The following DYSF variants were observed in gnomAD, a reference collection of about 807,000 sequenced individuals.
The protein encoded by DYSF is dystrophy-associated fer-1-like 1.
In DYSF, 212 loss-of-function variants were observed where a neutral mutation model predicts 274.9. That is an observed-to-expected ratio of 0.77 (90% confidence interval 0.69 to 0.86). The LOEUF (loss-of-function observed/expected upper bound fraction) is 0.86, where lower values mean the gene tolerates loss of function less well. Ranked by LOEUF, DYSF falls within the 40% of genes least tolerant of loss-of-function variation. DYSF has a pLI of 0.00. For missense variants in DYSF, 2,666 were observed against 2,783.2 expected (o/e 0.96, Z 0.95); for synonymous variants, 1,091 against 1,078.7 (o/e 1.01, Z -0.22).
chr2:71,566,827 G>T (rs953484633), intron 24 of DYSF, among the ~76,000 whole-genome samples: 1 of 152,218 alleles, frequency 6.6e-6, no homozygotes, highest in South Asian at 2.1e-4. Context: ...CCAAAAGAAG[G>T]GGGGCTGTGT....
intron 22 of DYSF, 142 bp from the exon 23 acceptor site, chr2:71,561,610 G>A (rs1250825026): frequency 3.4e-6 from 3 of 888,388 alleles, no homozygotes; most frequent in Non-Finnish European, 1.8e-6. Context: ...AGATGGCTGT[G>A]TGTGTGGAGC....
chr2:71,584,878 G>A (rs1342311462), intron 30 of DYSF, among the ~76,000 whole-genome samples: 1 of 152,174 alleles, frequency 6.6e-6, no homozygotes, highest in Non-Finnish European at 1.5e-5. Context: ...TGGAGAGGAC[G>A]ACATCCCTGC....
At chr2:71,630,337 T>C (rs2094292754) in intron 41 of DYSF, among the ~76,000 whole-genome samples, 1 of 152,236 alleles carries the variant, frequency 6.6e-6, no homozygotes, top group Non-Finnish European at 1.5e-5. Flanking sequence ...ATGTTTGTTA[T>C]GGTAGTCAGG....
At chr2:71,618,286 GT>G (rs2093971100) in intron 40 of DYSF, among the ~76,000 whole-genome samples, 1 of 62,550 alleles carries the variant, frequency 1.6e-5, no homozygotes, top group Non-Finnish European at 3.6e-5. Flanking sequence ...TGTGGTAGAG[GT>G]GTGTGTGTGG....
At chr2:71,453,882 C>T (rs1050409068) in exon 1 of DYSF, 19 of 1,017,102 alleles carry the variant, frequency 1.9e-5, no homozygotes, top group Middle Eastern at 2.0e-4. Flanking sequence ...AGATTCGAGC[C>T]GGCCTCGCCC....
At chr2:71,538,033 G>C (rs896314969) in intron 16 of DYSF, among the ~76,000 whole-genome samples, 2 of 152,240 alleles carry the variant, frequency 1.3e-5, no homozygotes, top group African/African-American at 4.8e-5. Flanking sequence ...GGAAGCAGCA[G>C]GTGGCTGCAA....
intron 51 of DYSF, among the ~76,000 whole-genome samples, chr2:71,673,312 C>T (rs1159136740): frequency 6.6e-6 from 1 of 152,220 alleles, no homozygotes; most frequent in Admixed American, 6.5e-5. Context: ...TGCAGTCCCA[C>T]ACCGCTCAGT....
At chr2:71,466,624 G>C (rs1475448553), upstream of DYSF, 3 of 1,282,458 alleles carry the variant, frequency 2.3e-6, no homozygotes, top group Middle Eastern at 3.0e-4. Context: ...GGCGGATCTG[G>C]GTAGGGGCCG....
At position 71,598,618 on chromosome 2, in the gene DYSF, A is replaced by G; in HGVS notation, c.3629A>G (p.Lys1210Arg). Residue 1210 changes from lysine to arginine, a missense_variant, in exon 33 of 56, where the codon AAG becomes AGG. Physicochemically the swap from Lys to Arg is conservative, Grantham distance 26. This residue lies in a region of DYSF where 1,460 missense variants were observed against 1,502.1 expected (regional missense o/e 0.97). Transcript: ENST00000410020. ...LHQSQKTVVV[K>R]NTLNPTWDQT... is the part of the protein sequence containing the mutation. ...CAGAGCCAGAAGACGGTGGTGGTGA[A>G]GAACACCCTTAACCCCACCTGGGAC... 6.2e-7 allele frequency: 1 copy of G among 1,614,154 alleles called. No individual in the cohort carries two copies. The highest frequency in any genetic ancestry group is 1.3e-5 in the African/African-American group (1 of 75,050).
chr2:71,606,217 C>T (rs193103309), intron 36 of DYSF, among the ~76,000 whole-genome samples: 1 of 152,240 alleles, frequency 6.6e-6, no homozygotes, highest in Admixed American at 6.5e-5. Context: ...ATGGCTTCAG[C>T]TCTGGTAGGG....
At chr2:71,511,121 T>C (rs1191969631) in intron 4 of DYSF, among the ~76,000 whole-genome samples, 2 of 151,812 alleles carry the variant, frequency 1.3e-5, no homozygotes, top group Non-Finnish European at 2.9e-5. Flanking sequence ...AGGGTGAGGG[T>C]TGGGGTGGGG....
chr2:71,583,696 G>A (rs773093126), intron 30 of DYSF, among the ~76,000 whole-genome samples: 2 of 152,160 alleles, frequency 1.3e-5, no homozygotes, highest in East Asian at 1.9e-4. Context: ...CAGACACCCC[G>A]TGGTGCAGAA....
At position 71,553,159 on chromosome 2, in the gene DYSF, C is replaced by T; in HGVS notation, c.1955C>T (p.Thr652Ile). Residue 652 changes from threonine (T) to isoleucine (I), a missense_variant, in exon 20 of 56, where the codon ACC (threonine) becomes ATC (isoleucine). This residue lies in a region of DYSF where 412 missense variants were observed against 504.0 expected (regional missense o/e 0.82). Transcript: ENST00000410020. The part of the protein sequence containing the change: ...FDMTCLPLAS[T>I]TQYSRAVFDG... ...ATGACCTGCCTGCCGCTGGCCTCCA[C>T]CACTCAGTACAGCCGTGCAGTCTTT... The T allele has an allele frequency of 6.2e-7, 1 of 1,614,140 alleles. No individual in the cohort carries two copies. Among genetic ancestry groups the T allele is most frequent in the Non-Finnish European group, 8.5e-7 (1 of 1,180,042 alleles).
chr2:71,668,635 T>G (rs1573089164), intron 48 of DYSF, 119 bp from the exon 49 acceptor site: 5 of 964,702 alleles, frequency 5.2e-6, no homozygotes, highest in Non-Finnish European at 7.9e-6. Context: ...CAGTGAGGCT[T>G]TCTCTGGAAG....
At chr2:71,527,528 AT>A (rs2088076155) in intron 13 of DYSF, among the ~76,000 whole-genome samples, 6 of 152,212 alleles carry the variant, frequency 3.9e-5, no homozygotes, top group Admixed American at 3.9e-4. Flanking sequence ...GCATGGGGAA[AT>A]AGAAATGTTT....
intron 14 of DYSF, among the ~76,000 whole-genome samples, chr2:71,534,026 C>T (rs984004199): frequency 3.4e-5 from 5 of 145,678 alleles, no homozygotes; most frequent in African/African-American, 1.4e-4. Flanking sequence ...CTCAGCCCCA[C>T]ACCCAGCCCT....
chr2:71,461,233 G>C (rs188053358), intron 1 of DYSF, among the ~76,000 whole-genome samples: 12 of 152,210 alleles, frequency 7.9e-5, no homozygotes, highest in Non-Finnish European at 1.8e-4. Flanking sequence ...CCTGACCATT[G>C]TGATGCGTGC....
intron 3 of DYSF, among the ~76,000 whole-genome samples, chr2:71,490,104 C>T (rs1005537258): frequency 2.6e-5 from 4 of 152,072 alleles, no homozygotes; most frequent in African/African-American, 4.8e-5. Context: ...TATGGACACC[C>T]GGCTGTACCT....
At chr2:71,549,233 G>A (rs759371041) in intron 17 of DYSF, 89 of 975,642 alleles carry the variant, frequency 9.1e-5, no homozygotes, top group Middle Eastern at 8.3e-4. Flanking sequence ...TTTCACACCC[G>A]GGAGCTGTCT....
Sources: gnomAD v4.1 joint callset for allele counts (sites outside exome capture counted in the v4.1 genomes callset) on GRCh38, gnomAD v4.1.1 for gene constraint, gnomAD v4.1.1 regional missense constraint, MANE v1.5 for transcripts, NCBI Gene and HGNC (gene_info 2026-07-23, HGNC 2026-07-21) for gene names.